The following C8orf89 variants were observed in gnomAD, a reference collection of about 807,000 sequenced individuals.
C8orf89 encodes the protein chromosome 8 open reading frame 89.
Under a neutral mutation model 15.8 loss-of-function variants are expected in C8orf89, and 14 were observed. The ratio of observed to expected loss-of-function variants is 0.89; its 90% CI spans 0.59 to 1.39. The LOEUF (loss-of-function observed/expected upper bound fraction) is 1.39, where lower values mean the gene tolerates loss of function less well. Among genes scored for constraint, C8orf89 ranks in the 40% most tolerant of loss-of-function variants. The probability of loss-of-function intolerance (pLI) is 0.00; values close to 1 mark genes in which losing one functional copy is unlikely to be tolerated. For synonymous variants in C8orf89, 55 were observed against 62.2 expected, an observed-to-expected ratio of 0.88 and a Z score of 0.54; for missense variants, 181 against 184.5, an observed-to-expected ratio of 0.98 and a Z score of 0.11.
the C8orf89 span, among the ~76,000 whole-genome samples, chr8:73,284,300 G>A: frequency 5.9e-4 from 76 of 127,990 alleles, no homozygotes; most frequent in East Asian, 3.2e-3. Flanking sequence ...TGCAACCTCC[G>A]CCTCCCGGTT....
chr8:73,280,490 C>A, the C8orf89 span, among the ~76,000 whole-genome samples: 8 of 152,142 alleles, frequency 5.3e-5, no homozygotes, highest in Admixed American at 2.0e-4. Context: ...CCTGCCTCAG[C>A]CTCCTGAGTA....
the C8orf89 span, among the ~76,000 whole-genome samples, chr8:73,284,026 G>GAAAA: frequency 7.1e-6 from 1 of 140,350 alleles, no homozygotes; most frequent in Admixed American, 7.3e-5. Context: ...TGGGCAACAA[G>GAAAA]AACGAAACTC....
At chr8:73,254,600 G>A (rs1348237558) in intron 2 of C8orf89, among the ~76,000 whole-genome samples, 1 of 152,116 alleles carries the variant, frequency 6.6e-6, no homozygotes, top group Non-Finnish European at 1.5e-5. Flanking sequence ...CTCATGCCTG[G>A]TCATTTGGGT....
chr8:73,264,583 C>T, the C8orf89 span, among the ~76,000 whole-genome samples: 4 of 152,160 alleles, frequency 2.6e-5, no homozygotes, highest in Non-Finnish European at 4.4e-5. Context: ...CTCCACCTCC[C>T]GGGTTCATGT....
chr8:73,272,273 C>T, the C8orf89 span, among the ~76,000 whole-genome samples: 1 of 152,070 alleles, frequency 6.6e-6, no homozygotes, highest in Non-Finnish European at 1.5e-5. Flanking sequence ...CCACCTTTGA[C>T]CAGTTAACTC....
the C8orf89 span, chr8:73,277,806 A>G: frequency 1.4e-6 from 1 of 725,974 alleles, no homozygotes; most frequent in East Asian, 2.8e-5. Flanking sequence ...TGGCCTCCGC[A>G]CAGCCATAAT....
At chr8:73,260,824 CA>C, upstream of C8orf89, among the ~76,000 whole-genome samples, 1 of 152,090 alleles carries the variant, frequency 6.6e-6, no homozygotes, top group Admixed American at 6.6e-5. Context: ...AGGGTGTTGT[CA>C]AAAGAGAGAA....
Position 73,242,570 on chromosome 8 carries a change from C to A in C8orf89, c.338-965G>T, listed in dbSNP as rs1197332056. ...GGCATATGAAATATGGTCAACATCA[C>A]TGATTATCAGAGGCATCAAAACTAC... On this transcript the variant is annotated intron_variant, in intron 3 of 3. Coordinates refer to ENST00000624510, the MANE Select transcript of C8orf89 (RefSeq NM_001243237.3). Among the ~76,000 whole-genome samples, 3 of 152,322 alleles carry A rather than the reference C, an allele frequency of 2.0e-5. No individual in the cohort carries two copies. The East Asian group carries it at 5.8e-4, about 29-fold the overall frequency.
chr8:73,248,841 C>A (rs1418553330), intron 3 of C8orf89, among the ~76,000 whole-genome samples: 1 of 152,106 alleles, frequency 6.6e-6, no homozygotes, highest in African/African-American at 2.4e-5. Context: ...AGCTTTTGGG[C>A]CAAGACTATG....
chr8:73,258,328 T>C (rs930814650), intron 1 of C8orf89, among the ~76,000 whole-genome samples: 7 of 148,652 alleles, frequency 4.7e-5, no homozygotes, highest in African/African-American at 1.5e-4. Flanking sequence ...GGTGAATCAC[T>C]TGAACTTGGG....
chr8:73,270,055 C>T, the C8orf89 span, among the ~76,000 whole-genome samples: 1 of 152,104 alleles, frequency 6.6e-6, no homozygotes, highest in African/African-American at 2.4e-5. Flanking sequence ...TCATTAAAAA[C>T]TTATAGTAGC....
chr8:73,274,916 T>C, the C8orf89 span, among the ~76,000 whole-genome samples: 1,342 of 152,342 alleles, frequency 8.8e-3, 23 homozygotes, highest in African/African-American at 0.031. Context: ...CTATATCATA[T>C]CGATTATATG....
intron 3 of C8orf89, among the ~76,000 whole-genome samples, chr8:73,245,105 T>C (rs907417985): frequency 2.6e-5 from 4 of 152,158 alleles, no homozygotes; most frequent in Non-Finnish European, 4.4e-5. Context: ...GGGTTTCCTC[T>C]TATAAAACCA....
chr8:73,265,962 A>C, the C8orf89 span, among the ~76,000 whole-genome samples: 1 of 152,122 alleles, frequency 6.6e-6, no homozygotes, highest in Non-Finnish European at 1.5e-5. Flanking sequence ...CATATCTCTT[A>C]ATCTGTCTAC....
At chr8:73,254,549 C>G (rs1813324279) in intron 2 of C8orf89, among the ~76,000 whole-genome samples, 1 of 152,154 alleles carries the variant, frequency 6.6e-6, no homozygotes. Flanking sequence ...AAGAAGGAAG[C>G]TGCTAAACGG....
At chr8:73,277,977 C>T in the C8orf89 span, 17 of 637,058 alleles carry the variant, frequency 2.7e-5, no homozygotes, top group African/African-American at 2.0e-4. Flanking sequence ...AAGGCAGCAG[C>T]CCCCAGGGCT....
chr8:73,281,949 G>A, the C8orf89 span, among the ~76,000 whole-genome samples: 8 of 152,224 alleles, frequency 5.3e-5, no homozygotes, highest in Non-Finnish European at 1.0e-4. Context: ...GCTGACGAAT[G>A]GCAGAGTCTG....
chr8:73,277,249 A>C, the C8orf89 span: 1 of 461,570 alleles, frequency 2.2e-6, no homozygotes, highest in Non-Finnish European at 3.9e-6. Flanking sequence ...CATACTGAGA[A>C]TAGAGTATAA....
chr8:73,260,808 T>G (rs115983432), upstream of C8orf89, among the ~76,000 whole-genome samples: 1,081 of 152,246 alleles, frequency 7.1e-3, 15 homozygotes, highest in African/African-American at 0.025. Context: ...CCTGAGTGTG[T>G]CTGTGAGGGT....
Sources: allele counts gnomAD v4.1 joint callset (sites outside exome capture counted in the v4.1 genomes callset), GRCh38; gene constraint gnomAD v4.1.1; transcripts MANE v1.5; gene names NCBI Gene and HGNC (gene_info 2026-07-23, HGNC 2026-07-21).